The following DCC variants were observed in gnomAD, a reference collection of about 807,000 sequenced individuals.
The protein encoded by DCC is netrin receptor DCC.
In DCC, 58 loss-of-function variants were observed where a neutral mutation model predicts 172.5. The ratio of observed to expected loss-of-function variants is 0.34; its 90% confidence interval spans 0.27 to 0.42. The LOEUF is 0.42. Among genes scored for constraint, DCC ranks in the 10% least tolerant of loss-of-function variants. The pLI, the probability that DCC is intolerant of heterozygous loss-of-function variation, is 1.00. For missense variants in DCC, 1,740 were observed against 1,791.0 expected, an observed-to-expected ratio of 0.97 and a Z score of 0.51; for synonymous variants, 709 against 644.5, an observed-to-expected ratio of 1.10 and a Z score of -1.52.
chr18:52,456,676 T>C (rs563790977), intron 1 of DCC, among the ~76,000 whole-genome samples: 24 of 152,316 alleles, frequency 1.6e-4, no homozygotes, highest in Admixed American at 8.5e-4. Flanking sequence ...TAAGAGGATA[T>C]GGAAGACACA....
At chr18:52,546,192 A>T (rs1413420951) in intron 1 of DCC, among the ~76,000 whole-genome samples, 1 of 152,170 alleles carries the variant, frequency 6.6e-6, no homozygotes, top group Non-Finnish European at 1.5e-5. Flanking sequence ...GATAGCTAGA[A>T]AACTAAATTA....
intron 5 of DCC, among the ~76,000 whole-genome samples, chr18:53,035,883 A>G (rs973132539): frequency 3.4e-5 from 5 of 148,966 alleles, no homozygotes; most frequent in Admixed American, 1.3e-4. Context: ...ATATTTGCAT[A>G]CTTGTTGTCA....
At chr18:52,895,846 G>A (rs112435717) in intron 2 of DCC, among the ~76,000 whole-genome samples, 2,482 of 151,794 alleles carry the variant, frequency 0.016, 62 homozygotes, top group African/African-American at 0.054. Context: ...GTGCAGTGGC[G>A]CAATCTTGGC....
intron 15 of DCC, among the ~76,000 whole-genome samples, chr18:53,352,425 T>A (rs2057822650): frequency 6.6e-6 from 1 of 152,136 alleles, no homozygotes; most frequent in Non-Finnish European, 1.5e-5. Context: ...TGTTATGTCT[T>A]GTTGATGAAT....
intron 2 of DCC, among the ~76,000 whole-genome samples, chr18:52,763,234 A>C (rs187402393): frequency 1.9e-4 from 29 of 152,334 alleles, no homozygotes; most frequent in Non-Finnish European, 3.5e-4. Flanking sequence ...CACCAACTAG[A>C]AACCTATTTA....
chr18:52,800,646 A>G (rs1568112526), intron 2 of DCC, among the ~76,000 whole-genome samples: 1 of 152,204 alleles, frequency 6.6e-6, no homozygotes, highest in Admixed American at 6.5e-5. Context: ...GATGTTGCAT[A>G]CTTATGAATC....
intron 12 of DCC, among the ~76,000 whole-genome samples, chr18:53,277,440 A>G (rs1298652980): frequency 6.6e-6 from 1 of 152,206 alleles, no homozygotes; most frequent in African/African-American, 2.4e-5. Context: ...TTCCTCCAGC[A>G]CTTTCAATGT....
intron 5 of DCC, among the ~76,000 whole-genome samples, chr18:53,043,206 C>G (rs1268334066): frequency 6.6e-6 from 1 of 151,696 alleles, no homozygotes; most frequent in Admixed American, 6.6e-5. Context: ...TCTCACCAAA[C>G]TAACCCAAGA....
intron 15 of DCC, among the ~76,000 whole-genome samples, chr18:53,380,865 C>T (rs1482509232): frequency 1.3e-5 from 2 of 152,242 alleles, no homozygotes; most frequent in South Asian, 2.1e-4. Context: ...GCTGTTACCA[C>T]TTTTTGTTTA....
chr18:52,628,802 T>G (rs2034620589), intron 1 of DCC, among the ~76,000 whole-genome samples: 1 of 152,222 alleles, frequency 6.6e-6, no homozygotes, highest in African/African-American at 2.4e-5. Flanking sequence ...CTAGAACTTC[T>G]GTCTCAGATT....
intron 1 of DCC, among the ~76,000 whole-genome samples, chr18:52,738,699 CT>C (rs373139444): frequency 6.0e-5 from 9 of 150,964 alleles, no homozygotes; most frequent in African/African-American, 1.2e-4. Context: ...CTTACTGTAA[CT>C]TTTTTTTACT....
intron 1 of DCC, among the ~76,000 whole-genome samples, chr18:52,591,786 TC>T (rs1388230577): frequency 4.9e-4 from 68 of 137,472 alleles, no homozygotes; most frequent in African/African-American, 1.6e-3. Flanking sequence ...TTTATTTATT[TC>T]TTTTTTTTTT....
At chr18:52,571,642 T>C (rs1047088572) in intron 1 of DCC, among the ~76,000 whole-genome samples, 1 of 152,094 alleles carries the variant, frequency 6.6e-6, no homozygotes, top group African/African-American at 2.4e-5. Flanking sequence ...CACCCCTCAT[T>C]ACTACCTTAC....
At chr18:52,489,831 G>T (rs530055440) in intron 1 of DCC, among the ~76,000 whole-genome samples, 1 of 152,026 alleles carries the variant, frequency 6.6e-6, no homozygotes, top group African/African-American at 2.4e-5. Flanking sequence ...TCTAAGACCC[G>T]ACACCACTCA....
At chr18:52,901,264 C>A (rs1207319848) in intron 2 of DCC, among the ~76,000 whole-genome samples, 1 of 151,960 alleles carries the variant, frequency 6.6e-6, no homozygotes, top group Non-Finnish European at 1.5e-5. Context: ...GAAACCCTGT[C>A]TCTACTGAAA....
intron 22 of DCC, among the ~76,000 whole-genome samples, chr18:53,443,880 G>A (rs893441377): frequency 6.6e-6 from 1 of 152,176 alleles, no homozygotes; most frequent in Non-Finnish European, 1.5e-5. Flanking sequence ...AACTGCGATC[G>A]AAATAGCAAG....
At chr18:52,689,082 G>C (rs1181503542) in intron 1 of DCC, among the ~76,000 whole-genome samples, 2 of 152,090 alleles carry the variant, frequency 1.3e-5, no homozygotes, top group Non-Finnish European at 2.9e-5. Flanking sequence ...TTTTGGTCAA[G>C]GACATTGAAG....
chr18:52,579,942 A>G (rs1026277997), intron 1 of DCC, among the ~76,000 whole-genome samples: 3 of 152,232 alleles, frequency 2.0e-5, no homozygotes, highest in African/African-American at 7.2e-5. Context: ...ATTATGGAAA[A>G]TTTTAAATAT....
chr18:52,782,370 C>T (rs113720878), intron 2 of DCC, among the ~76,000 whole-genome samples: 37 of 151,492 alleles, frequency 2.4e-4, no homozygotes, highest in Non-Finnish European at 4.6e-4. Context: ...TTCTGAGACA[C>T]GTGCTTATAA....
Sources: allele counts gnomAD v4.1 joint callset (sites outside exome capture counted in the v4.1 genomes callset), GRCh38; gene constraint gnomAD v4.1.1; transcripts MANE v1.5; gene names NCBI Gene and HGNC (gene_info 2026-07-23, HGNC 2026-07-21).